NBEA: variants seen among roughly 807,000 people sequenced by gnomAD.
The protein encoded by NBEA is lysosomal-trafficking regulator 2.
In NBEA, 44 loss-of-function variants were observed where a neutral mutation model predicts 343.4. The ratio of observed to expected loss-of-function variants is 0.13; its 90% CI spans 0.10 to 0.16. The LOEUF is 0.16. NBEA is among the 10% of genes least tolerant of loss of function. The pLI is 1.00. For synonymous variants in NBEA, 1,175 were observed against 1,238.7 expected (o/e 0.95, Z 1.08); for missense variants, 2,555 against 3,631.3 (o/e 0.70, Z 7.62).
intron 1 of NBEA, among the ~76,000 whole-genome samples, chr13:34,990,080 G>T (rs2060697082): frequency 6.6e-6 from 1 of 151,106 alleles, no homozygotes; most frequent in African/African-American, 2.4e-5. Flanking sequence ...GCTTGGCATG[G>T]TATAGCCTCC....
intron 31 of NBEA, among the ~76,000 whole-genome samples, chr13:35,196,866 T>C (rs929714633): frequency 1.4e-4 from 22 of 152,288 alleles, no homozygotes; most frequent in African/African-American, 5.1e-4. Flanking sequence ...TATTTAAAAG[T>C]AAATATTTTT....
intron 38 of NBEA, among the ~76,000 whole-genome samples, chr13:35,371,006 A>C (rs1209109474): frequency 1.3e-5 from 2 of 151,982 alleles, no homozygotes; most frequent in East Asian, 3.9e-4. Flanking sequence ...TTTCCATATA[A>C]GTAGTTAGAT....
chr13:35,151,380 C>T (rs1361531690), intron 18 of NBEA, among the ~76,000 whole-genome samples: 1 of 151,716 alleles, frequency 6.6e-6, no homozygotes, highest in African/African-American at 2.4e-5. Context: ...CCCATCACTA[C>T]TAAATATACA....
chr13:35,383,057 C>G (rs2042086852), intron 38 of NBEA, among the ~76,000 whole-genome samples: 1 of 152,150 alleles, frequency 6.6e-6, no homozygotes, highest in African/African-American at 2.4e-5. Flanking sequence ...AGATACACAT[C>G]TCACTATACA....
At chr13:35,082,376 A>G (rs1344782603) in intron 10 of NBEA, among the ~76,000 whole-genome samples, 3 of 152,172 alleles carry the variant, frequency 2.0e-5, no homozygotes, top group Non-Finnish European at 4.4e-5. Flanking sequence ...CTCAATAAAC[A>G]TATGTGTGCA....
chr13:34,993,057 C>G (rs1346120058), intron 1 of NBEA, among the ~76,000 whole-genome samples: 1 of 152,112 alleles, frequency 6.6e-6, no homozygotes, highest in Non-Finnish European at 1.5e-5. Context: ...GCTACTGTTG[C>G]ATTCATTACT....
At position 35,157,087 on chromosome 13, in the gene NBEA, G is replaced by T; in HGVS notation, c.2661G>T (p.Leu887Phe). ...SNSRENRRCL[L>F]QCSVWQDWMF... Reference sequence around the variant, plus strand: ...ATTTTTTTCTCCCTAGATGCTTATTGCAGTGTTCAGTGTGGCAGGATTGGA... The same window carrying T: ...ATTTTTTTCTCCCTAGATGCTTATTTCAGTGTTCAGTGTGGCAGGATTGGA... The change falls in exon 21 of 59, where the codon TTG becomes TTT. Residue 887 changes from leucine (L) to phenylalanine (F), a missense_variant. Transcript: ENST00000379939. 1.3e-6 allele frequency: 2 copies of T among 1,568,556 alleles called. No homozygotes were observed. Among genetic ancestry groups the T allele is most frequent in the Non-Finnish European group, 1.7e-6 (2 of 1,159,002 alleles).
intron 10 of NBEA, among the ~76,000 whole-genome samples, chr13:35,074,815 G>A (rs1041501136): frequency 6.6e-6 from 1 of 151,954 alleles, no homozygotes; most frequent in Non-Finnish European, 1.5e-5. Context: ...CTATTTTTTG[G>A]GGGGAGGGAA....
rs1452435951 is a variant in NBEA, at chr13:35,564,800, CT to C, written c.6923-2102del. Among the ~76,000 whole-genome samples the C allele has an allele frequency of 3.3e-5, 5 of 152,300 alleles. No individual in the cohort carries two copies. In the East Asian group the frequency reaches 9.7e-4, roughly 29 times the overall value. The stretch of plus-strand genomic sequence containing the variant: ...TTCTCTCTCATATATACCTCTACGC[CT>C]TTGCATAATCCTCGTCTTCTAAAGA... On this transcript the variant is annotated intron_variant, in intron 44 of 58. Transcript: ENST00000379939.
chr13:35,439,923 A>G (rs1341926845), intron 39 of NBEA, among the ~76,000 whole-genome samples: 1 of 152,170 alleles, frequency 6.6e-6, no homozygotes, highest in African/African-American at 2.4e-5. Context: ...CTTGTTGCCC[A>G]GGCTGGAGTG....
chr13:35,563,546 A>G (rs1223053535), intron 44 of NBEA, among the ~76,000 whole-genome samples: 1 of 151,962 alleles, frequency 6.6e-6, no homozygotes, highest in South Asian at 2.1e-4. Context: ...TCAAATACAT[A>G]TATGACTGTC....
At chr13:35,640,150 A>G (rs2083875853) in intron 49 of NBEA, among the ~76,000 whole-genome samples, 1 of 152,206 alleles carries the variant, frequency 6.6e-6, no homozygotes. Flanking sequence ...AGTCTTTTAT[A>G]TGAATAAGCA....
rs199727680 is a variant in NBEA, at chr13:35,155,755, C to G, written c.2446-19C>G. The G allele has an allele frequency of 5.0e-5, 78 of 1,564,760 alleles. No individual in the cohort carries two copies. Among genetic ancestry groups the G allele is most frequent in the Non-Finnish European group, 6.6e-5 (75 of 1,137,110 alleles). On this transcript the variant is annotated intron_variant, in intron 18 of 58. Transcript: ENST00000379939. ...TTTAAATTGTTTTCTAAATGAAGTT[C>G]AAATTCTTCATTTTTCAGATCTTGA...
At chr13:35,334,238 T>G (rs2039107336) in intron 36 of NBEA, among the ~76,000 whole-genome samples, 1 of 152,150 alleles carries the variant, frequency 6.6e-6, no homozygotes, top group African/African-American at 2.4e-5. Flanking sequence ...AAAAGCCATT[T>G]TAACTGGCAT....
In NBEA at chr13:35,389,793, G is replaced by C. The variant is rs539103803; in HGVS notation, c.6179+37470G>C. Among the ~76,000 whole-genome samples, 25 of 152,220 alleles carry C rather than the reference G, an allele frequency of 1.6e-4. No homozygotes were observed. In the South Asian group the frequency reaches 4.6e-3, roughly 28 times the overall value. ...TGGCAGTTTATTGGATTCTGCAAAA[G>C]AAAGGAGCACAGATAAAGTGGTCCT... On this transcript the variant is annotated intron_variant, in intron 38 of 58. Transcript: ENST00000379939.
chr13:35,667,677 T>C (rs1444268590), intron 57 of NBEA, 107 bp downstream of exon 57: 4 of 1,097,678 alleles, frequency 3.6e-6, no homozygotes, highest in Non-Finnish European at 5.3e-6. Context: ...TCCAGATAAA[T>C]GTGTTCTAGA....
chr13:35,450,810 C>A (rs1290118805), intron 39 of NBEA, among the ~76,000 whole-genome samples: 1 of 152,134 alleles, frequency 6.6e-6, no homozygotes, highest in Non-Finnish European at 1.5e-5. Flanking sequence ...TATGACAATG[C>A]TTTCTTCTAA....
chr13:34,958,436 G>A (rs987571949), intron 1 of NBEA, among the ~76,000 whole-genome samples: 2 of 151,966 alleles, frequency 1.3e-5, no homozygotes, highest in African/African-American at 4.8e-5. Flanking sequence ...TGGGGGAAGT[G>A]ACAATGGGAG....
chr13:34,958,530 A>AAATTTTTAAAAAAAAAAATT (rs541194395), intron 1 of NBEA, among the ~76,000 whole-genome samples: 7,085 of 152,072 alleles, frequency 0.047, 250 homozygotes, highest in Non-Finnish European at 0.069. Flanking sequence ...TTGGGTCAGG[A>AAATTTTTAAAAAAAAAAATT]TTTGAAGAAA....
Sources: allele counts gnomAD v4.1 joint callset (sites outside exome capture counted in the v4.1 genomes callset), GRCh38; gene constraint gnomAD v4.1.1; transcripts MANE v1.5; gene names NCBI Gene and HGNC (gene_info 2026-07-23, HGNC 2026-07-21).